The following CCSER1 variants were observed in gnomAD, a reference collection of about 807,000 sequenced individuals.
CCSER1 encodes serine-rich coiled-coil domain-containing protein 1.
A neutral mutation model predicts 82.0 loss-of-function variants in CCSER1; 41 were observed. The ratio of observed to expected loss-of-function variants is 0.50; its 90% confidence interval spans 0.39 to 0.65. The LOEUF is 0.65. Ranked by LOEUF, CCSER1 falls within the 30% of genes least tolerant of loss-of-function variation. The pLI is 0.00. For missense variants in CCSER1, 1,119 were observed against 1,064.2 expected (o/e 1.05, Z -0.72); for synonymous variants, 414 against 383.9 (o/e 1.08, Z -0.92).
intron 10 of CCSER1, among the ~76,000 whole-genome samples, chr4:91,443,008 C>A (rs988013720): frequency 6.6e-6 from 1 of 152,036 alleles, no homozygotes; most frequent in African/African-American, 2.4e-5. Context: ...AACAGGAACA[C>A]TTTTACACTG....
intron 1 of CCSER1, among the ~76,000 whole-genome samples, chr4:90,226,839 A>T (rs1743258041): frequency 6.6e-6 from 1 of 152,214 alleles, no homozygotes; most frequent in Admixed American, 6.5e-5. Context: ...AGCTAAGGTC[A>T]TACTTTTCCA....
At chr4:90,770,756 TTTG>T (rs1454788129) in intron 7 of CCSER1, among the ~76,000 whole-genome samples, 1 of 152,146 alleles carries the variant, frequency 6.6e-6, no homozygotes, top group Non-Finnish European at 1.5e-5. Flanking sequence ...TTCATGAGAT[TTTG>T]TTTTCTGTCT....
At chr4:90,264,053 A>T (rs1302480482) in intron 1 of CCSER1, among the ~76,000 whole-genome samples, 1 of 152,180 alleles carries the variant, frequency 6.6e-6, no homozygotes, top group African/African-American at 2.4e-5. Context: ...TTCAAGTCAC[A>T]CTTGACTTTT....
intron 8 of CCSER1, among the ~76,000 whole-genome samples, chr4:90,913,137 A>C (rs2150200896): frequency 6.6e-6 from 1 of 152,280 alleles, no homozygotes; most frequent in South Asian, 2.1e-4. Flanking sequence ...AACACAGAGA[A>C]CACCACAAAG....
rs561215587 is a variant in CCSER1, at chr4:91,427,744, T to C, written c.2218-170828T>C. 2.2e-4 allele frequency among the ~76,000 whole-genome samples: 34 copies of C among 152,212 alleles called. No individual in the cohort carries two copies. The South Asian group carries it at 5.8e-3, about 26-fold the overall frequency. On this transcript the variant is annotated intron_variant, in intron 10 of 10. Coordinates refer to ENST00000509176, the MANE Select transcript of CCSER1 (RefSeq NM_001145065.2). Reference sequence around the variant, plus strand: ...AATAATATAATAATTGTATTTACTATAAAATTTGACCCAATTGCAAATGAC... The same window carrying C: ...AATAATATAATAATTGTATTTACTACAAAATTTGACCCAATTGCAAATGAC...
intron 10 of CCSER1, among the ~76,000 whole-genome samples, chr4:91,555,240 T>C (rs530489114): frequency 6.6e-6 from 1 of 151,172 alleles, no homozygotes; most frequent in Admixed American, 6.6e-5. Flanking sequence ...AGACTCACAC[T>C]ACCAAATTCA....
intron 10 of CCSER1, among the ~76,000 whole-genome samples, chr4:91,327,687 T>C (rs995733086): frequency 6.6e-6 from 1 of 152,216 alleles, no homozygotes; most frequent in Non-Finnish European, 1.5e-5. Flanking sequence ...AGGCTGCAAA[T>C]TTTCCAAGCT....
At chr4:90,741,135 G>A (rs1290432934) in intron 7 of CCSER1, among the ~76,000 whole-genome samples, 1 of 152,116 alleles carries the variant, frequency 6.6e-6, no homozygotes, top group Non-Finnish European at 1.5e-5. Context: ...AAGGATAGGT[G>A]TTGAACTACT....
intron 1 of CCSER1, among the ~76,000 whole-genome samples, chr4:90,129,004 C>A (rs1181969372): frequency 6.6e-6 from 1 of 152,116 alleles, no homozygotes; most frequent in East Asian, 1.9e-4. Flanking sequence ...TTTATGTCCT[C>A]TTCTCCACCC....
Position 91,366,273 on chromosome 4 carries a change from G to A in CCSER1, c.2218-232299G>A, listed in dbSNP as rs188405629. 4.6e-5 allele frequency among the ~76,000 whole-genome samples: 7 copies of A among 152,118 alleles called. No homozygotes were observed. The South Asian group carries it at 1.5e-3, about 32-fold the overall frequency. On this transcript the variant is annotated intron_variant, in intron 10 of 10. Coordinates refer to ENST00000509176, the MANE Select transcript of CCSER1 (RefSeq NM_001145065.2). ...TGACTTCAGGTGGTCCATCCGCCTC[G>A]GCCTCCCAAAGTGCTGGGATTACAG...
chr4:91,370,039 A>C (rs1471700581), intron 10 of CCSER1, among the ~76,000 whole-genome samples: 1 of 151,936 alleles, frequency 6.6e-6, no homozygotes, highest in Non-Finnish European at 1.5e-5. Flanking sequence ...TATGATACTT[A>C]TTGTGGTTTC....
rs966733492 is a variant in CCSER1 at position 91,273,347 on chromosome 4, G to GT, written c.2217+187360dup. Among the ~76,000 whole-genome samples, 3 of 151,602 alleles carry GT rather than the reference G, an allele frequency of 2.0e-5. No homozygotes were observed. The South Asian group carries it at 6.2e-4, about 31-fold the overall frequency. On this transcript the variant is annotated intron_variant, in intron 10 of 10. Coordinates refer to ENST00000509176, the MANE Select transcript of CCSER1 (RefSeq NM_001145065.2). ...TAGGTGTAATCCTAAGTGTTTGTTT[G>GT]TTTTTTTGTTTTTTCAGCTATTGTA...
chr4:91,078,937 C>T (rs907994239), intron 9 of CCSER1, among the ~76,000 whole-genome samples: 1 of 151,852 alleles, frequency 6.6e-6, no homozygotes, highest in African/African-American at 2.4e-5. Flanking sequence ...GTGAAAAGAC[C>T]AAATCTACAT....
intron 8 of CCSER1, among the ~76,000 whole-genome samples, chr4:90,922,563 G>A (rs1728537043): frequency 6.6e-6 from 1 of 152,086 alleles, no homozygotes; most frequent in Non-Finnish European, 1.5e-5. Context: ...TTTGAAAACT[G>A]TCTCAAGTTA....
At chr4:90,262,224 T>G (rs1244677348) in intron 1 of CCSER1, among the ~76,000 whole-genome samples, 1 of 152,192 alleles carries the variant, frequency 6.6e-6, no homozygotes, top group Non-Finnish European at 1.5e-5. Flanking sequence ...TAAATTGTTT[T>G]TAAATTTATA....
chr4:91,069,812 A>C (rs1268232258), intron 9 of CCSER1, among the ~76,000 whole-genome samples: 2 of 152,188 alleles, frequency 1.3e-5, no homozygotes, highest in African/African-American at 4.8e-5. Flanking sequence ...GTGGGGAGAG[A>C]TCATTAAAAG....
At chr4:90,664,808 G>A (rs145520480) in intron 6 of CCSER1, among the ~76,000 whole-genome samples, 1,713 of 152,304 alleles carry the variant, frequency 0.011, 18 homozygotes, top group Non-Finnish European at 0.019. Context: ...GCTGAGGCAG[G>A]AGAATTGCTT....
At chr4:90,479,034 G>T (rs1179439099) in intron 5 of CCSER1, among the ~76,000 whole-genome samples, 1 of 151,684 alleles carries the variant, frequency 6.6e-6, no homozygotes, top group Non-Finnish European at 1.5e-5. Flanking sequence ...CCCCCACGCG[G>T]GCCTGTACTT....
chr4:90,810,933 C>T (rs1225673578), intron 7 of CCSER1, among the ~76,000 whole-genome samples: 4 of 146,696 alleles, frequency 2.7e-5, no homozygotes, highest in East Asian at 4.3e-4. Context: ...CCCGGGTTCA[C>T]GCCATTCTCC....
Sources: gnomAD v4.1 joint callset for allele counts (sites outside exome capture counted in the v4.1 genomes callset) on GRCh38, gnomAD v4.1.1 for gene constraint, MANE v1.5 for transcripts, NCBI Gene and HGNC (gene_info 2026-07-23, HGNC 2026-07-21) for gene names.